Variants in TRIM58 observed in about 807,000 individuals in gnomAD.
The protein encoded by TRIM58 is tripartite motif containing 58.
TRIM58 carries 38 observed loss-of-function variants against 34.1 expected under a neutral mutation model. The ratio of observed to expected loss-of-function variants is 1.12; its 90% CI spans 0.86 to 1.46. TRIM58 has a LOEUF of 1.46. Ranked by LOEUF, TRIM58 falls within the 40% of genes most tolerant of loss-of-function variation. The pLI, the probability that TRIM58 is intolerant of heterozygous loss-of-function variation, is 0.00. For missense variants in TRIM58, 677 were observed against 642.0 expected (o/e 1.05, Z -0.59); for synonymous variants, 273 against 275.7 (o/e 0.99, Z 0.10).
rs950737160 is a variant in TRIM58, at chr1:247,876,173, G to T, written c.1145G>T (p.Trp382Leu). 4 of 1,614,074 alleles carry T rather than the reference G, an allele frequency of 2.5e-6. No homozygotes were observed. ...ACGCCATCTCCTGAGAATGGGGTCT[G>T]GGCCCTGTGGCTGCTGAAAGGGAAT... ...ETTPSPENGV[W>L]ALWLLKGNEY... is the part of the protein sequence containing the mutation. The change falls in exon 6 of 6, where the codon TGG becomes TTG. Residue 382 changes from tryptophan (W) to leucine (L), a missense_variant. By Grantham distance (61) the Trp-to-Leu change is moderately conservative. Transcript: ENST00000366481.
chr1:247,880,043 A>G lies in TRIM58; in HGVS notation c.*3554A>G, dbSNP rs11204536. ...TTGTCTGTTGACAATGATACATTCAATGTTTCTCAAGCACCCCCAATGCTG... is the reference window on the plus strand; with the variant it reads ...TTGTCTGTTGACAATGATACATTCAGTGTTTCTCAAGCACCCCCAATGCTG... On this transcript the variant is annotated 3_prime_UTR_variant, in exon 6 of 6. Transcript: ENST00000366481. Among the ~76,000 whole-genome samples, 1,118 of 152,244 alleles carry G rather than the reference A, an allele frequency of 7.3e-3. 16 individuals are homozygous for G. The highest frequency in any genetic ancestry group is 0.025 in the African/African-American group (1,052 of 41,538).
In TRIM58 at chr1:247,858,813, G is replaced by T. The variant is rs527348556; in HGVS notation, c.420+1147G>T. Among the ~76,000 whole-genome samples, 10 of 141,484 alleles carry T rather than the reference G, an allele frequency of 7.1e-5. No homozygotes were observed. The South Asian group carries it at 1.3e-3, about 19-fold the overall frequency. The allele number at this position is 141,484 out of a possible 152,430, so 92.8% of individuals were successfully genotyped here. ...TCTAGTTCTGTAGCTCAGGCTGGAG[G>T]GCAGTGGCGCAATCTCGGCTCATTG... On this transcript the variant is annotated intron_variant, in intron 1 of 5. Coordinates refer to ENST00000366481, the MANE Select transcript of TRIM58 (RefSeq NM_015431.4).
intron 2 of TRIM58, 36 bp from the exon 3 acceptor site, chr1:247,864,669 C>T: frequency 1.2e-6 from 2 of 1,606,438 alleles, no homozygotes; most frequent in Non-Finnish European, 1.7e-6. Context: ...TGCTGGAGGC[C>T]AAGCACTGAC....
At position 247,867,845 on chromosome 1, in the gene TRIM58, G is replaced by A; in HGVS notation, c.748G>A (p.Gly250Ser). 6.2e-7 allele frequency: 1 copy of A among 1,614,178 alleles called. No homozygotes were observed. Among genetic ancestry groups the A allele is most frequent in the Non-Finnish European group, 8.5e-7 (1 of 1,180,038 alleles). The change falls in exon 4 of 6, where the codon GGT (glycine) becomes AGT (serine). Residue 250 changes from glycine (G) to serine (S), a missense_variant and splice_region_variant. Transcript: ENST00000366481. ...CQRPALGLLE[G>S]VRGVLSRSKA... ...CACTGTGTTTTTCTTTCCTTTTCAGGGTGTGAGAGGAGTCCTGAGCAGGTA... is the reference window on the plus strand; with the variant it reads ...CACTGTGTTTTTCTTTCCTTTTCAGAGTGTGAGAGGAGTCCTGAGCAGGTA...
At chr1:247,873,217 C>G (rs1371395138) in intron 5 of TRIM58, among the ~76,000 whole-genome samples, 1 of 151,772 alleles carries the variant, frequency 6.6e-6, no homozygotes, top group Admixed American at 6.6e-5. Flanking sequence ...GCAACAAGAG[C>G]AAAACTCCAT....
Position 247,875,934 on chromosome 1 carries a change from G to T in TRIM58, c.906G>T (p.Pro302=). Reference sequence around the variant, plus strand: ...AGCTGGATCCCGCCACGGCGCACCCGAGTCTGCTCTTGACCGCCGACCTGC... The same window carrying T: ...AGCTGGATCCCGCCACGGCGCACCCTAGTCTGCTCTTGACCGCCGACCTGC... ...DVKLDPATAH[P]SLLLTADLRS... Residue 302 remains proline, a synonymous_variant, in exon 6 of 6, where the codon CCG becomes CCT. Coordinates refer to ENST00000366481, the MANE Select transcript of TRIM58 (RefSeq NM_015431.4). The T allele has an allele frequency of 6.2e-7, 1 of 1,613,820 alleles. No homozygotes were observed. The highest frequency in any genetic ancestry group is 8.5e-7 in the Non-Finnish European group (1 of 1,179,868).
At chr1:247,872,967 C>T (rs574260195) in intron 5 of TRIM58, among the ~76,000 whole-genome samples, 125 of 152,298 alleles carry the variant, frequency 8.2e-4, no homozygotes, top group South Asian at 3.9e-3. Flanking sequence ...CGGTGGCTCA[C>T]GCCTGTAAAT....
rs377754831 is a variant in TRIM58 at position 247,864,176 on chromosome 1, G to T, written c.517-529G>T. 1.2e-4 allele frequency among the ~76,000 whole-genome samples: 18 copies of T among 152,120 alleles called. No individual in the cohort carries two copies. In the East Asian group the frequency reaches 3.5e-3, roughly 29 times the overall value. On this transcript the variant is annotated intron_variant, in intron 2 of 5. Coordinates refer to ENST00000366481, the MANE Select transcript of TRIM58 (RefSeq NM_015431.4). The stretch of plus-strand genomic sequence containing the variant: ...CACATTTTTTAAGAGATGGAGTCTT[G>T]CTCTGTTACCCAGGCTGAAGTGCAG...
chr1:247,878,870 T>A lies in TRIM58; in HGVS notation c.*2381T>A, dbSNP rs1173676422. Reference sequence around the variant, plus strand: ...ATATCAGTCAGTAAACCAATGTGAGTCTTCATCTCTTGCATTCTTAGGTTC... The same window carrying A: ...ATATCAGTCAGTAAACCAATGTGAGACTTCATCTCTTGCATTCTTAGGTTC... On this transcript the variant is annotated 3_prime_UTR_variant, in exon 6 of 6. Coordinates refer to ENST00000366481, the MANE Select transcript of TRIM58 (RefSeq NM_015431.4). 6.6e-6 allele frequency among the ~76,000 whole-genome samples: 1 copy of A among 152,096 alleles called. No homozygotes were observed. Among genetic ancestry groups the A allele is most frequent in the Non-Finnish European group, 1.5e-5 (1 of 68,030 alleles).
Position 247,877,806 on chromosome 1 carries a change from C to A in TRIM58, c.*1317C>A, listed in dbSNP as rs946081012. ...TAAAGTATATTCTGTACCTTTCCAA[C>A]AAAAAGGTTAAAAGTCATTGAAGGC... On this transcript the variant is annotated 3_prime_UTR_variant, in exon 6 of 6. Transcript: ENST00000366481. 1.3e-5 allele frequency: 2 copies of A among 152,102 alleles called. No homozygotes were observed. The highest frequency in any genetic ancestry group is 6.6e-5 in the Admixed American group (1 of 15,262). The allele number at this position is 152,102 out of a possible 1,614,324, so 9.4% of individuals were successfully genotyped here. A position where few individuals can be genotyped will look rare whatever the true frequency, so the allele number is the denominator to read the frequency against.
At chr1:247,866,878 C>T (rs903338688) in intron 3 of TRIM58, among the ~76,000 whole-genome samples, 1 of 152,098 alleles carries the variant, frequency 6.6e-6, no homozygotes, top group African/African-American at 2.4e-5. Context: ...TACATTTTAC[C>T]CCTGAAGGCC....
rs975298013 is a variant in TRIM58, at chr1:247,872,001, G to A, written c.872-3899G>A. On this transcript the variant is annotated intron_variant, in intron 5 of 5. Coordinates refer to ENST00000366481, the MANE Select transcript of TRIM58 (RefSeq NM_015431.4). ...TTCAGGCAGCAGAAATGAGCGCCAAGGCCTGACGTGGAGGATGGCAGGTGT... is the reference window on the plus strand; with the variant it reads ...TTCAGGCAGCAGAAATGAGCGCCAAAGCCTGACGTGGAGGATGGCAGGTGT... Among the ~76,000 whole-genome samples, 41 of 152,310 alleles carry A rather than the reference G, an allele frequency of 2.7e-4. 1 individual carries two copies. The highest frequency in any genetic ancestry group is 9.1e-4 in the African/African-American group (38 of 41,570).
intron 5 of TRIM58, among the ~76,000 whole-genome samples, chr1:247,872,719 G>T (rs1280829035): frequency 6.6e-6 from 1 of 152,306 alleles, no homozygotes; most frequent in East Asian, 1.9e-4. Context: ...CAGCACCCGG[G>T]TAGATAGGGA....
chr1:247,860,537 C>G, intron 1 of TRIM58, 80 bp from the exon 2 acceptor site: 1 of 978,024 alleles, frequency 1.0e-6, no homozygotes, highest in African/African-American at 1.6e-5. Flanking sequence ...TTTAAGTTGA[C>G]TTTTGTATTT....
intron 3 of TRIM58, among the ~76,000 whole-genome samples, 178 bp from the exon 4 acceptor site, chr1:247,867,667 G>A (rs997652151): frequency 6.6e-6 from 1 of 152,052 alleles, no homozygotes; most frequent in Non-Finnish European, 1.5e-5. Flanking sequence ...AGCAGCCTGG[G>A]CAACAAGAAC....
In TRIM58 at chr1:247,857,433, C is replaced by G. The variant is rs527395818; in HGVS notation, c.187C>G (p.Pro63Ala). The G allele has an allele frequency of 1.4e-6, 2 of 1,452,902 alleles. No homozygotes were observed. Among genetic ancestry groups the G allele is most frequent in the Non-Finnish European group, 1.8e-6 (2 of 1,096,282 alleles). The allele number at this position is 1,452,902 out of a possible 1,614,324, so 90.0% of individuals were successfully genotyped here. ...GVYACPQCRGPFRPSGFRPNR... is the reference protein window; with the variant it reads ...GVYACPQCRGAFRPSGFRPNR... ...CTACGCCTGTCCGCAGTGCCGGGGC[C>G]CCTTCCGGCCCTCGGGCTTTCGCCC... is the stretch of plus-strand genomic sequence containing the variant. The change falls in exon 1 of 6, where the codon CCC becomes GCC. Residue 63 changes from proline (P) to alanine (A), a missense_variant. By Grantham distance (27) the Pro-to-Ala change is conservative. Transcript: ENST00000366481.
chr1:247,861,588 G>A (rs1663794195), intron 2 of TRIM58, among the ~76,000 whole-genome samples: 1 of 151,798 alleles, frequency 6.6e-6, no homozygotes, highest in Admixed American at 6.6e-5. Flanking sequence ...TATATAATAG[G>A]TTATACTTTG....
chr1:247,867,888 G>A (rs773456373), intron 4 of TRIM58, 21 bp downstream of exon 4: 78 of 1,614,002 alleles, frequency 4.8e-5, no homozygotes, highest in Non-Finnish European at 5.9e-5. Context: ...TTTCTGAATT[G>A]GTGAAGGGAT....
At chr1:247,863,039 G>A (rs1663832507) in intron 2 of TRIM58, among the ~76,000 whole-genome samples, 1 of 152,146 alleles carries the variant, frequency 6.6e-6, no homozygotes. Flanking sequence ...ATTTACATGA[G>A]TTACACTTTC....
Sources: allele counts gnomAD v4.1 joint callset (sites outside exome capture counted in the v4.1 genomes callset), GRCh38; gene constraint gnomAD v4.1.1; transcripts MANE v1.5; gene names NCBI Gene and HGNC (gene_info 2026-07-23, HGNC 2026-07-21).